Variants in DPYD observed in about 807,000 individuals in gnomAD.
The protein encoded by DPYD is dihydropyrimidine dehydrogenase.
In DPYD, 109 loss-of-function variants were observed where a neutral mutation model predicts 116.2. The ratio of observed to expected loss-of-function variants is 0.94; its 90% confidence interval spans 0.80 to 1.10. The LOEUF is 1.10. Ranked by LOEUF, DPYD falls within the 50% of genes least tolerant of loss-of-function variation. The pLI is 0.00. For synonymous variants in DPYD, 440 were observed against 432.0 expected, an observed-to-expected ratio of 1.02 and a Z score of -0.23; for missense variants, 1,302 against 1,254.5, an observed-to-expected ratio of 1.04 and a Z score of -0.57.
chr1:97,260,662 CA>C lies in DPYD; in HGVS notation c.2300-25669del, dbSNP rs1358702233. Among the ~76,000 whole-genome samples the C allele has an allele frequency of 2.6e-5, 4 of 151,956 alleles. No individual in the cohort carries two copies. The East Asian group carries it at 5.8e-4, about 22-fold the overall frequency. ...GAATGTGTGGTTTAGTAGAAACAAA[CA>C]AAAAACACTCAAATACAAAACAAAA... is the stretch of plus-strand genomic sequence containing the variant. On this transcript the variant is annotated intron_variant, in intron 18 of 22. Coordinates refer to ENST00000370192, the MANE Select transcript of DPYD (RefSeq NM_000110.4).
At chr1:97,815,968 G>A (rs1668584355) in intron 3 of DPYD, among the ~76,000 whole-genome samples, 1 of 152,118 alleles carries the variant, frequency 6.6e-6, no homozygotes, top group Non-Finnish European at 1.5e-5. Context: ...TTTATTCCCA[G>A]TTCACTGCAT....
At chr1:97,697,127 C>T (rs775999000) in intron 6 of DPYD, among the ~76,000 whole-genome samples, 28 of 152,004 alleles carry the variant, frequency 1.8e-4, no homozygotes, top group South Asian at 6.2e-4. Flanking sequence ...AAACTCGTGT[C>T]CTAAAAACAG....
chr1:97,732,145 G>C (rs1009401136), intron 4 of DPYD, among the ~76,000 whole-genome samples: 1 of 152,010 alleles, frequency 6.6e-6, no homozygotes, highest in Non-Finnish European at 1.5e-5. Flanking sequence ...CTCTATTAAA[G>C]CAAAAGTGAA....
intron 4 of DPYD, among the ~76,000 whole-genome samples, chr1:97,728,315 G>A (rs1247227626): frequency 6.6e-6 from 1 of 151,924 alleles, no homozygotes; most frequent in East Asian, 1.9e-4. Context: ...ATGTCTATAG[G>A]CACGACATGT....
At chr1:97,734,025 A>T (rs1228703914) in intron 4 of DPYD, among the ~76,000 whole-genome samples, 1 of 152,120 alleles carries the variant, frequency 6.6e-6, no homozygotes, top group Non-Finnish European at 1.5e-5. Flanking sequence ...AGTAACAAAG[A>T]TGTTAACACT....
chr1:97,314,314 A>G (rs1026200548), intron 16 of DPYD, among the ~76,000 whole-genome samples: 1 of 151,804 alleles, frequency 6.6e-6, no homozygotes, highest in Admixed American at 6.6e-5. Flanking sequence ...GATGCTGTCC[A>G]TATTTTTATC....
intron 2 of DPYD, among the ~76,000 whole-genome samples, chr1:97,836,804 TA>T (rs1202301598): frequency 1.3e-5 from 2 of 152,004 alleles, no homozygotes; most frequent in African/African-American, 4.8e-5. Flanking sequence ...TAAGTCTCAA[TA>T]AATAGTGCCT....
intron 13 of DPYD, among the ~76,000 whole-genome samples, chr1:97,512,695 C>G (rs1455680349): frequency 6.6e-6 from 1 of 151,762 alleles, no homozygotes; most frequent in Non-Finnish European, 1.5e-5. Context: ...AAACAGATCA[C>G]TTCTCTGTTT....
chr1:97,682,217 A>T (rs1301566061), intron 7 of DPYD, among the ~76,000 whole-genome samples: 2 of 152,034 alleles, frequency 1.3e-5, no homozygotes, highest in Middle Eastern at 3.2e-3. Flanking sequence ...TTTTCCTTTC[A>T]TGTATGGAAA....
intron 8 of DPYD, among the ~76,000 whole-genome samples, chr1:97,657,357 T>C (rs1161620417): frequency 2.6e-5 from 4 of 152,206 alleles, no homozygotes; most frequent in Non-Finnish European, 5.9e-5. Flanking sequence ...TCTGTAGATA[T>C]TTATTCACTA....
intron 3 of DPYD, among the ~76,000 whole-genome samples, chr1:97,751,759 G>A (rs1030911780): frequency 1.9e-5 from 2 of 104,922 alleles, no homozygotes; most frequent in African/African-American, 7.6e-5. Context: ...ACAGAACGCT[G>A]TCTCTAAAAA....
chr1:97,875,273 T>G (rs1255791564), intron 2 of DPYD, among the ~76,000 whole-genome samples: 1 of 151,900 alleles, frequency 6.6e-6, no homozygotes, highest in African/African-American at 2.4e-5. Flanking sequence ...GTTTTTGACA[T>G]AGTCATAATC....
intron 1 of DPYD, among the ~76,000 whole-genome samples, chr1:97,900,354 C>G (rs536326976): frequency 2.5e-4 from 38 of 151,952 alleles, no homozygotes; most frequent in Non-Finnish European, 4.3e-4. Flanking sequence ...TGTTATACCC[C>G]AACACCTGGT....
chr1:97,563,477 C>T (rs529220955), intron 11 of DPYD, among the ~76,000 whole-genome samples: 1 of 152,114 alleles, frequency 6.6e-6, no homozygotes, highest in Admixed American at 6.6e-5. Flanking sequence ...CATTTTCTAC[C>T]TTCTTTCCCT....
At chr1:97,822,459 G>T (rs1669001055) in intron 3 of DPYD, among the ~76,000 whole-genome samples, 1 of 149,226 alleles carries the variant, frequency 6.7e-6, no homozygotes, top group Admixed American at 6.7e-5. Flanking sequence ...TAATTGCCTT[G>T]TCTATTGTCT....
intron 19 of DPYD, among the ~76,000 whole-genome samples, chr1:97,206,110 G>C (rs1048731625): frequency 1.3e-5 from 2 of 151,752 alleles, no homozygotes; most frequent in African/African-American, 4.8e-5. Context: ...GTATGAGGGA[G>C]GGGTACGGAG....
chr1:97,099,159 T>C (rs1415847454), intron 20 of DPYD, among the ~76,000 whole-genome samples: 1 of 152,078 alleles, frequency 6.6e-6, no homozygotes, highest in African/African-American at 2.4e-5. Flanking sequence ...TCTTTAAAGA[T>C]TGTAACTAAT....
chr1:97,736,332 G>GA (rs928603952), intron 4 of DPYD, among the ~76,000 whole-genome samples: 5 of 150,544 alleles, frequency 3.3e-5, no homozygotes, highest in African/African-American at 1.2e-4. Context: ...TATAATTAGT[G>GA]AAAAAACTTT....
intron 8 of DPYD, among the ~76,000 whole-genome samples, chr1:97,660,991 C>T (rs1659223143): frequency 6.6e-6 from 1 of 152,108 alleles, no homozygotes. Flanking sequence ...CTGACAAACT[C>T]TCACCTCTTC....
Sources: allele counts gnomAD v4.1 joint callset (sites outside exome capture counted in the v4.1 genomes callset), GRCh38; gene constraint gnomAD v4.1.1; transcripts MANE v1.5; gene names NCBI Gene and HGNC (gene_info 2026-07-23, HGNC 2026-07-21).